The following CLSTN2 variants were observed in gnomAD, a reference collection of about 807,000 sequenced individuals.
The protein encoded by CLSTN2 is calsyntenin 2.
A neutral mutation model predicts 101.2 loss-of-function variants in CLSTN2; 48 were observed. The observed-to-expected ratio is 0.47, with a 90% CI of 0.38 to 0.60. The LOEUF (loss-of-function observed/expected upper bound fraction) is 0.60. Ranked by LOEUF, CLSTN2 falls within the 20% of genes least tolerant of loss-of-function variation. CLSTN2 has a pLI of 0.00. For missense variants in CLSTN2, 1,160 were observed against 1,238.2 expected (o/e 0.94, Z 0.95); for synonymous variants, 481 against 463.6 (o/e 1.04, Z -0.48).
intron 2 of CLSTN2, among the ~76,000 whole-genome samples, chr3:140,345,308 G>T (rs1370952413): frequency 6.7e-6 from 1 of 149,994 alleles, no homozygotes; most frequent in Non-Finnish European, 1.5e-5. Flanking sequence ...CAGTGCAATG[G>T]CGTGATCTCG....
Position 139,997,687 on chromosome 3 carries a change from G to A in CLSTN2, c.109+62204G>A, listed in dbSNP as rs571770372. The stretch of plus-strand genomic sequence containing the variant: ...CTTCATTCTTCTTCAGAAGTGATGT[G>A]GTCTATTTTCTTTCAAATACACATT... On this transcript the variant is annotated intron_variant, in intron 1 of 16. Transcript: ENST00000458420. 2.6e-5 allele frequency among the ~76,000 whole-genome samples: 4 copies of A among 151,840 alleles called. No individual in the cohort carries two copies. The East Asian group carries it at 7.7e-4, about 29-fold the overall frequency.
chr3:139,956,170 G>A (rs561400943), intron 1 of CLSTN2, among the ~76,000 whole-genome samples: 1 of 152,348 alleles, frequency 6.6e-6, no homozygotes, highest in Non-Finnish European at 1.5e-5. Flanking sequence ...AGTGGTATTA[G>A]GACGTGAACC....
intron 10 of CLSTN2, among the ~76,000 whole-genome samples, chr3:140,552,928 AG>A (rs1285716120): frequency 6.6e-6 from 1 of 152,224 alleles, no homozygotes; most frequent in Non-Finnish European, 1.5e-5. Context: ...TTGTAGAACA[AG>A]GACCTTGGGT....
intron 8 of CLSTN2, among the ~76,000 whole-genome samples, chr3:140,523,765 C>G (rs1481499341): frequency 6.6e-6 from 1 of 152,218 alleles, no homozygotes; most frequent in African/African-American, 2.4e-5. Context: ...TTGGCCTGTA[C>G]CAATCCCTTT....
At chr3:139,936,464 G>C (rs916943477) in intron 1 of CLSTN2, among the ~76,000 whole-genome samples, 3 of 152,180 alleles carry the variant, frequency 2.0e-5, no homozygotes, top group Non-Finnish European at 2.9e-5. Flanking sequence ...TAGGGCTTGC[G>C]TTTGGTTTGT....
chr3:140,289,441 G>T (rs1195795156), intron 2 of CLSTN2, among the ~76,000 whole-genome samples: 1 of 151,382 alleles, frequency 6.6e-6, no homozygotes, highest in Non-Finnish European at 1.5e-5. Context: ...CTTTCTTTTT[G>T]GTACCTAGTT....
Position 140,370,310 on chromosome 3 carries a change from G to A in CLSTN2, c.233-33319G>A, listed in dbSNP as rs150006905. Among the ~76,000 whole-genome samples, 553 of 152,338 alleles carry A rather than the reference G, an allele frequency of 3.6e-3. 5 individuals carry two copies. The highest frequency in any genetic ancestry group is 0.013 in the African/African-American group (526 of 41,576). ...CGCTGGTCCCAAGGAAGTCAGTCTT[G>A]TTAAGGTCAATAGTCATGGGATTGA... is the stretch of plus-strand genomic sequence containing the variant. On this transcript the variant is annotated intron_variant, in intron 2 of 16. Transcript: ENST00000458420.
chr3:140,164,641 G>A (rs935972657), intron 1 of CLSTN2, among the ~76,000 whole-genome samples: 13 of 152,142 alleles, frequency 8.5e-5, no homozygotes, highest in African/African-American at 2.7e-4. Context: ...TGGCCAGTTG[G>A]CTTGATCCAG....
intron 2 of CLSTN2, among the ~76,000 whole-genome samples, chr3:140,402,072 T>C (rs942772012): frequency 6.6e-6 from 1 of 152,198 alleles, no homozygotes; most frequent in Non-Finnish European, 1.5e-5. Context: ...GAAATGTTAA[T>C]AATGAAATTG....
intron 1 of CLSTN2, among the ~76,000 whole-genome samples, chr3:139,977,591 G>A (rs1935840788): frequency 6.6e-6 from 1 of 152,156 alleles, no homozygotes. Flanking sequence ...GGCTGAGTCT[G>A]TGCCAGCACC....
intron 2 of CLSTN2, among the ~76,000 whole-genome samples, chr3:140,238,889 A>C (rs1378990521): frequency 6.6e-6 from 1 of 152,216 alleles, no homozygotes; most frequent in East Asian, 1.9e-4. Flanking sequence ...TTAAGGCAAG[A>C]AGAGATTTGA....
intron 2 of CLSTN2, among the ~76,000 whole-genome samples, chr3:140,236,823 T>G (rs973404314): frequency 1.8e-4 from 19 of 106,078 alleles, no homozygotes; most frequent in Admixed American, 5.5e-4. Context: ...TTATGTTATA[T>G]AGTGTGTGTG....
intron 7 of CLSTN2, among the ~76,000 whole-genome samples, chr3:140,465,072 T>C (rs1933657233): frequency 6.6e-6 from 1 of 152,208 alleles, no homozygotes; most frequent in African/African-American, 2.4e-5. Flanking sequence ...ATTAAGAGGC[T>C]TTCAGCTGCA....
At chr3:140,385,617 T>A (rs970377364) in intron 2 of CLSTN2, among the ~76,000 whole-genome samples, 2 of 152,026 alleles carry the variant, frequency 1.3e-5, no homozygotes, top group African/African-American at 4.8e-5. Flanking sequence ...GACTTCATGA[T>A]CTGCCTGCCT....
intron 8 of CLSTN2, among the ~76,000 whole-genome samples, chr3:140,509,487 C>T (rs1319144679): frequency 6.6e-6 from 1 of 152,186 alleles, no homozygotes; most frequent in Non-Finnish European, 1.5e-5. Flanking sequence ...TCTGAGGCAT[C>T]CTGCTGAAAG....
intron 4 of CLSTN2, among the ~76,000 whole-genome samples, chr3:140,406,062 G>A (rs528035674): frequency 6.6e-6 from 1 of 152,318 alleles, no homozygotes; most frequent in East Asian, 1.9e-4. Context: ...TGGCAGCAAG[G>A]GTGAAGATGG....
chr3:140,082,137 C>G (rs963961462), intron 1 of CLSTN2, among the ~76,000 whole-genome samples: 3 of 152,148 alleles, frequency 2.0e-5, no homozygotes, highest in African/African-American at 7.2e-5. Flanking sequence ...GGAGGCAAGA[C>G]TACTGTCATA....
At chr3:140,294,962 T>G (rs1272849987) in intron 2 of CLSTN2, among the ~76,000 whole-genome samples, 1 of 152,178 alleles carries the variant, frequency 6.6e-6, no homozygotes, top group Non-Finnish European at 1.5e-5. Context: ...GGTTTTGTCC[T>G]TATGACCTAA....
chr3:140,288,713 A>T (rs970956532), intron 2 of CLSTN2, among the ~76,000 whole-genome samples: 1 of 152,232 alleles, frequency 6.6e-6, no homozygotes, highest in Admixed American at 6.5e-5. Flanking sequence ...TGATACTGTC[A>T]TCATGGCTAT....
Sources: gnomAD v4.1 joint callset for allele counts (sites outside exome capture counted in the v4.1 genomes callset) on GRCh38, gnomAD v4.1.1 for gene constraint, MANE v1.5 for transcripts, NCBI Gene and HGNC (gene_info 2026-07-23, HGNC 2026-07-21) for gene names.